The following NTNG1 variants were observed in gnomAD, a reference collection of about 807,000 sequenced individuals.
NTNG1 encodes the protein netrin-G1.
NTNG1 carries 16 observed loss-of-function variants against 54.0 expected under a neutral mutation model. The observed-to-expected ratio is 0.30, with a 90% CI of 0.20 to 0.45. NTNG1 has a LOEUF of 0.45. Among genes scored for constraint, NTNG1 ranks in the 20% least tolerant of loss-of-function variants. The pLI, the probability that NTNG1 is intolerant of heterozygous loss-of-function variation, is 1.00. For missense variants in NTNG1, 530 were observed against 678.7 expected (o/e 0.78, Z 2.43); for synonymous variants, 255 against 263.1 (o/e 0.97, Z 0.30).
chr1:107,407,338 A>G (rs1673493212), intron 4 of NTNG1, among the ~76,000 whole-genome samples: 1 of 152,106 alleles, frequency 6.6e-6, no homozygotes, highest in Admixed American at 6.6e-5. Context: ...TCTAGTTTGA[A>G]CCACCTACAA....
At chr1:107,172,940 C>T (rs552920037) in intron 2 of NTNG1, among the ~76,000 whole-genome samples, 2 of 152,262 alleles carry the variant, frequency 1.3e-5, no homozygotes, top group South Asian at 4.1e-4. Flanking sequence ...GTGCTGTGAA[C>T]TTGACTCTTG....
Position 107,192,367 on chromosome 1 carries a change from C to T in NTNG1, c.246+43528C>T, listed in dbSNP as rs144706944. On this transcript the variant is annotated intron_variant, in intron 2 of 7. Coordinates refer to ENST00000370068, the MANE Select transcript of NTNG1 (RefSeq NM_001113226.3). ...ATGGATAAGCCTGCCCAGCGTGTTT[C>T]CTAAGACATAAGTAGATGGATTTTG... Among the ~76,000 whole-genome samples, 1,097 of 152,178 alleles carry T rather than the reference C, an allele frequency of 7.2e-3. 6 individuals are homozygous for T. Among genetic ancestry groups the T allele is most frequent in the Non-Finnish European group, 0.011 (770 of 67,980 alleles).
intron 5 of NTNG1, chr1:107,410,033 G>A (rs1397229064): frequency 2.6e-5 from 4 of 152,128 alleles, no homozygotes; most frequent in Admixed American, 2.6e-4. Flanking sequence ...CCAGAGAAAA[G>A]GAAGCTGTTT....
intron 3 of NTNG1, among the ~76,000 whole-genome samples, chr1:107,362,786 A>T (rs1383309896): frequency 6.6e-6 from 1 of 152,238 alleles, no homozygotes; most frequent in Non-Finnish European, 1.5e-5. Flanking sequence ...TTTTCAATTT[A>T]AGCAAAAATA....
At chr1:107,313,083 GT>G (rs755724389) in intron 2 of NTNG1, among the ~76,000 whole-genome samples, 16 of 152,110 alleles carry the variant, frequency 1.1e-4, no homozygotes, top group Non-Finnish European at 1.6e-4. Flanking sequence ...AGTTGTCCCA[GT>G]AATATATTTT....
chr1:107,365,114 G>A (rs1670517713), intron 3 of NTNG1, among the ~76,000 whole-genome samples: 1 of 151,754 alleles, frequency 6.6e-6, no homozygotes, highest in Non-Finnish European at 1.5e-5. Flanking sequence ...CTTACATATG[G>A]GGCCTTGTAT....
intron 3 of NTNG1, among the ~76,000 whole-genome samples, chr1:107,326,024 T>C (rs1348896187): frequency 6.6e-6 from 1 of 152,120 alleles, no homozygotes; most frequent in Non-Finnish European, 1.5e-5. Flanking sequence ...TGAAACTTTC[T>C]GGTCTGTTAG....
intron 2 of NTNG1, among the ~76,000 whole-genome samples, chr1:107,289,158 T>G (rs1665410637): frequency 6.6e-6 from 1 of 152,170 alleles, no homozygotes; most frequent in Non-Finnish European, 1.5e-5. Context: ...AATTCATACG[T>G]GCTCTGAATA....
intron 3 of NTNG1, among the ~76,000 whole-genome samples, chr1:107,368,194 T>C (rs1373912787): frequency 6.6e-6 from 1 of 152,166 alleles, no homozygotes; most frequent in East Asian, 1.9e-4. Flanking sequence ...GGTTCCAATG[T>C]CTTAGGTCTC....
intron 7 of NTNG1, among the ~76,000 whole-genome samples, chr1:107,472,438 A>T (rs1164019106): frequency 1.3e-5 from 2 of 152,246 alleles, no homozygotes; most frequent in Non-Finnish European, 2.9e-5. Flanking sequence ...TTACAGCTGC[A>T]ACTAGAATAC....
intron 3 of NTNG1, among the ~76,000 whole-genome samples, chr1:107,361,372 T>C (rs1398101803): frequency 2.4e-4 from 15 of 63,758 alleles, no homozygotes; most frequent in East Asian, 1.7e-3. Context: ...TATATATATA[T>C]ACATATATAT....
chr1:107,318,388 A>G (rs1051550986), intron 2 of NTNG1, among the ~76,000 whole-genome samples: 1 of 152,096 alleles, frequency 6.6e-6, no homozygotes, highest in African/African-American at 2.4e-5. Flanking sequence ...GCACAGAGGT[A>G]GTGTTGCTGG....
At chr1:107,236,748 TC>T (rs1482446322) in intron 2 of NTNG1, among the ~76,000 whole-genome samples, 1 of 152,026 alleles carries the variant, frequency 6.6e-6, no homozygotes, top group African/African-American at 2.4e-5. Flanking sequence ...AATGGGAGTT[TC>T]CCTGCCCAAT....
intron 2 of NTNG1, among the ~76,000 whole-genome samples, chr1:107,216,062 T>G (rs1659934434): frequency 6.6e-6 from 1 of 152,132 alleles, no homozygotes; most frequent in African/African-American, 2.4e-5. Flanking sequence ...TCTTTGGGGT[T>G]TTCAAGGTAT....
At chr1:107,242,605 A>G (rs1205775350) in intron 2 of NTNG1, among the ~76,000 whole-genome samples, 1 of 152,178 alleles carries the variant, frequency 6.6e-6, no homozygotes, top group African/African-American at 2.4e-5. Flanking sequence ...CAAAATGAAC[A>G]TACCTAAAGC....
chr1:107,150,875 C>T (rs1654518019), intron 2 of NTNG1, among the ~76,000 whole-genome samples: 1 of 152,206 alleles, frequency 6.6e-6, no homozygotes, highest in South Asian at 2.1e-4. Flanking sequence ...AGTCCATTGG[C>T]TAAGTGATGT....
chr1:107,433,479 G>C (rs1298831325), intron 6 of NTNG1, among the ~76,000 whole-genome samples: 1 of 152,218 alleles, frequency 6.6e-6, no homozygotes, highest in Non-Finnish European at 1.5e-5. Context: ...TCGAGAGGTA[G>C]AGGTTGCAGT....
rs1053967222 is a variant in NTNG1 at position 107,259,728 on chromosome 1, A to G, written c.247-64554A>G. On this transcript the variant is annotated intron_variant, in intron 2 of 7. Transcript: ENST00000370068. ...ATCTTACTATTTGCTTTGTTCAAAT[A>G]CCAGTCAACTATTTCTCTCTAGTAT... 7.9e-5 allele frequency among the ~76,000 whole-genome samples: 12 copies of G among 152,326 alleles called. No individual in the cohort carries two copies. In the South Asian group the frequency reaches 2.5e-3, roughly 32 times the overall value.
At chr1:107,186,253 A>T (rs935015563) in intron 2 of NTNG1, among the ~76,000 whole-genome samples, 2 of 152,056 alleles carry the variant, frequency 1.3e-5, no homozygotes, top group African/African-American at 4.8e-5. Flanking sequence ...CTCCTTTGCC[A>T]CCCAGTCATG....
Sources: gnomAD v4.1 joint callset for allele counts (sites outside exome capture counted in the v4.1 genomes callset) on GRCh38, gnomAD v4.1.1 for gene constraint, MANE v1.5 for transcripts, NCBI Gene and HGNC (gene_info 2026-07-23, HGNC 2026-07-21) for gene names.